The following CDH7 variants were observed in gnomAD, a reference collection of about 807,000 sequenced individuals.
CDH7 encodes cadherin 7, also known as cadherin-7.
CDH7 carries 25 observed loss-of-function variants against 71.8 expected under a neutral mutation model. The ratio of observed to expected loss-of-function variants is 0.35; its 90% CI spans 0.25 to 0.49. The LOEUF (loss-of-function observed/expected upper bound fraction) is 0.49, where lower values mean the gene tolerates loss of function less well. CDH7 is among the 20% of genes least tolerant of loss of function. The pLI is 0.99. For missense variants in CDH7, 862 were observed against 974.6 expected (o/e 0.88, Z 1.54); for synonymous variants, 381 against 363.8 (o/e 1.05, Z -0.54).
chr18:65,786,784 A>G (rs1354559039), intron 2 of CDH7, among the ~76,000 whole-genome samples: 11 of 151,984 alleles, frequency 7.2e-5, no homozygotes, highest in African/African-American at 2.7e-4. Flanking sequence ...CCTGGTCTCA[A>G]ACAATCATCC....
chr18:65,878,094 T>C (rs1914122218), intron 11 of CDH7, among the ~76,000 whole-genome samples: 1 of 152,174 alleles, frequency 6.6e-6, no homozygotes, highest in Non-Finnish European at 1.5e-5. Flanking sequence ...GGAAAACACC[T>C]ACCCCAGAGA....
At chr18:65,776,163 T>C (rs925620297) in intron 2 of CDH7, among the ~76,000 whole-genome samples, 3 of 152,094 alleles carry the variant, frequency 2.0e-5, no homozygotes, top group Non-Finnish European at 4.4e-5. Flanking sequence ...CTTTATTTTA[T>C]TTTTGTTTAG....
At chr18:65,767,830 T>C (rs1441153773) in intron 2 of CDH7, among the ~76,000 whole-genome samples, 1 of 152,220 alleles carries the variant, frequency 6.6e-6, no homozygotes, top group Non-Finnish European at 1.5e-5. Flanking sequence ...AATAAGCAAA[T>C]ACATTGTTAT....
At chr18:65,799,713 G>A (rs949421439) in intron 2 of CDH7, among the ~76,000 whole-genome samples, 5 of 151,700 alleles carry the variant, frequency 3.3e-5, no homozygotes, top group African/African-American at 1.2e-4. Flanking sequence ...TGATCCTTTG[G>A]TTCTTGGTCT....
intron 11 of CDH7, among the ~76,000 whole-genome samples, chr18:65,877,501 C>A (rs8092510): frequency 0.54 from 81,994 of 151,892 alleles, 25,836 homozygotes; most frequent in East Asian, 0.92. Context: ...TAAGAGACCG[C>A]CTAATTATTA....
Position 65,781,767 on chromosome 18 carries a change from T to TTTCTTTCTTTCC in CDH7, c.210+18718_210+18719insTTTCTTTCCTTC, listed in dbSNP as rs1568181229. ...ATTGGTTGATTTCTTTCTTTCTTTCTTTCCTTCCTTCCTTCCTTCCTTCCT... is the reference window on the plus strand; with the variant it reads ...ATTGGTTGATTTCTTTCTTTCTTTCTTTCTTTCTTTCCTTCCTTCCTTCCTTCCTTCCTTCCT... On this transcript the variant is annotated intron_variant, in intron 2 of 11. Transcript: ENST00000397968. Among the ~76,000 whole-genome samples, 26 of 75,508 alleles carry TTTCTTTCTTTCC rather than the reference T, an allele frequency of 3.4e-4. 1 individual carries two copies. Among genetic ancestry groups the TTTCTTTCTTTCC allele is most frequent in the Non-Finnish European group, 6.0e-4 (23 of 38,424 alleles). The allele number at this position is 75,508 out of a possible 152,430, so 49.5% of individuals were successfully genotyped here.
chr18:65,764,335 A>G (rs1916290306), intron 2 of CDH7, among the ~76,000 whole-genome samples: 1 of 152,042 alleles, frequency 6.6e-6, no homozygotes, highest in African/African-American at 2.4e-5. Flanking sequence ...AAAGGTTTCT[A>G]GGGATGTGAA....
chr18:65,820,710 A>G (rs1031005352), intron 4 of CDH7, among the ~76,000 whole-genome samples: 12 of 152,186 alleles, frequency 7.9e-5, no homozygotes, highest in African/African-American at 2.7e-4. Context: ...TTATAGGCTC[A>G]CTTATAAAAA....
chr18:65,862,880 C>A lies in CDH7; in HGVS notation c.1827C>A (p.Ala609=), dbSNP rs775553081. The A allele has an allele frequency of 7.6e-5, 123 of 1,614,066 alleles. No individual in the cohort carries two copies. Among genetic ancestry groups the A allele is most frequent in the Non-Finnish European group, 5.9e-6 (7 of 1,180,030 alleles). ...YVLPAGLSTG[A]LIAILACVLT... The stretch of plus-strand genomic sequence containing the variant: ...TACCTGCTGGCCTCAGTACAGGAGC[C>A]CTGATAGCCATACTCGCCTGTGTCT... The change falls in exon 11 of 12, where the codon GCC becomes GCA. Residue 609 remains alanine, a synonymous_variant. Coordinates refer to ENST00000397968, the MANE Select transcript of CDH7 (RefSeq NM_004361.5).
Position 65,810,103 on chromosome 18 carries a change from G to A in CDH7, c.505+105G>A, listed in dbSNP as rs147810767. On this transcript the variant is annotated intron_variant, in intron 3 of 11. Coordinates refer to ENST00000397968, the MANE Select transcript of CDH7 (RefSeq NM_004361.5). The stretch of plus-strand genomic sequence containing the variant: ...ACTGAAAAAAAAAAAAACCTTACTA[G>A]TATGTGTGTATTGATTGTCAGTTAG... The A allele has an allele frequency of 2.7e-3, 2,459 of 915,348 alleles. 36 individuals are homozygous for A. The African/African-American group carries it at 0.038, about 14-fold the overall frequency. The allele number at this position is 915,348 out of a possible 1,614,324, so 56.7% of individuals were successfully genotyped here. A position where few individuals can be genotyped will look rare whatever the true frequency, so the allele number is the denominator to read the frequency against.
chr18:65,865,231 G>T (rs1450859955), intron 11 of CDH7: 1 of 152,062 alleles, frequency 6.6e-6, no homozygotes, highest in African/African-American at 2.4e-5. Flanking sequence ...AATTATTACT[G>T]AAAGTAACTG....
intron 7 of CDH7, among the ~76,000 whole-genome samples, chr18:65,847,877 G>T (rs932981888): frequency 1.8e-4 from 28 of 151,984 alleles, no homozygotes; most frequent in Non-Finnish European, 3.8e-4. Flanking sequence ...GCAGGGAGTG[G>T]TATGTGGAAA....
intron 2 of CDH7, among the ~76,000 whole-genome samples, chr18:65,780,274 AG>A (rs1346048282): frequency 8.6e-6 from 1 of 116,836 alleles, no homozygotes; most frequent in Non-Finnish European, 1.7e-5. Flanking sequence ...CTCTGATGGT[AG>A]TTTCTTTTGC....
Position 65,859,812 on chromosome 18 carries a change from G to C in CDH7, c.1599G>C (p.Leu533Phe), listed in dbSNP as rs748268062. Residue 533 changes from leucine to phenylalanine, a missense_variant, in exon 10 of 12, where the codon TTG (leucine) becomes TTC (phenylalanine). Physicochemically the swap from Leu to Phe is conservative, Grantham distance 22. Transcript: ENST00000397968. ...CAACAAATAACCACAACTTTTCATT[G>C]AAAGATAACAAAGGTAATGTATTAA... ...TDATNNHNFS[L>F]KDNKDNTASI... 1.3e-6 allele frequency: 2 copies of C among 1,580,172 alleles called. No homozygotes were observed. The highest frequency in any genetic ancestry group is 1.7e-6 in the Non-Finnish European group (2 of 1,149,476).
At chr18:65,751,837 G>T (rs2143763136) in intron 1 of CDH7, among the ~76,000 whole-genome samples, 1 of 152,320 alleles carries the variant, frequency 6.6e-6, no homozygotes, top group Admixed American at 6.5e-5. Flanking sequence ...ATGGTACACT[G>T]CTACTTGCCG....
In CDH7 at chr18:65,881,007, G is replaced by T; in HGVS notation, c.*113G>T. On this transcript the variant is annotated 3_prime_UTR_variant, in exon 12 of 12. Transcript: ENST00000397968. ...CAGAAAACAAGAACTCCCCTTGCTG[G>T]AGACAGATGGTTGTAAATATTTCTC... 1 of 1,004,398 alleles carries T rather than the reference G, an allele frequency of 1.0e-6. No individual in the cohort carries two copies. The highest frequency in any genetic ancestry group is 2.7e-5 in the East Asian group (1 of 37,620). 62.2% of individuals were successfully genotyped at this position (1,004,398 alleles called of 1,614,324 possible). A position where few individuals can be genotyped will look rare whatever the true frequency, so the allele number is the denominator to read the frequency against.
intron 2 of CDH7, among the ~76,000 whole-genome samples, chr18:65,770,518 T>C (rs1407645861): frequency 1.3e-5 from 2 of 152,238 alleles, no homozygotes; most frequent in African/African-American, 4.8e-5. Flanking sequence ...TGGAATTACA[T>C]TCAATGTTGA....
intron 10 of CDH7, among the ~76,000 whole-genome samples, chr18:65,862,179 T>A (rs937524903): frequency 6.6e-6 from 1 of 152,220 alleles, no homozygotes; most frequent in South Asian, 2.1e-4. Flanking sequence ...CCCTGTATAT[T>A]CAATTTAAAT....
At chr18:65,785,645 T>C (rs1258487350) in intron 2 of CDH7, among the ~76,000 whole-genome samples, 1 of 151,992 alleles carries the variant, frequency 6.6e-6, no homozygotes, top group Non-Finnish European at 1.5e-5. Flanking sequence ...AAATATCTAA[T>C]GGAGTTTAGG....
Sources: gnomAD v4.1 joint callset for allele counts (sites outside exome capture counted in the v4.1 genomes callset) on GRCh38, gnomAD v4.1.1 for gene constraint, MANE v1.5 for transcripts, NCBI Gene and HGNC (gene_info 2026-07-23, HGNC 2026-07-21) for gene names.